The following MARCHF1 variants were observed in gnomAD, a reference collection of about 807,000 sequenced individuals.
MARCHF1 encodes the protein membrane associated ring-CH-type finger 1, also known as E3 ubiquitin-protein ligase MARCHF1.
In MARCHF1, 40 loss-of-function variants were observed where a neutral mutation model predicts 54.2. The ratio of observed to expected loss-of-function variants is 0.74; its 90% CI spans 0.57 to 0.96. MARCHF1 has a LOEUF of 0.96. MARCHF1 is among the 40% of genes least tolerant of loss of function. The pLI is 0.00. For synonymous variants in MARCHF1, 236 were observed against 236.3 expected, an observed-to-expected ratio of 1.00 and a Z score of 0.01; for missense variants, 586 against 656.5, an observed-to-expected ratio of 0.89 and a Z score of 1.17.
chr4:163,796,221 GTTTTTT>G (rs36039503), intron 4 of MARCHF1, among the ~76,000 whole-genome samples: 1 of 82,234 alleles, frequency 1.2e-5, no homozygotes, highest in Non-Finnish European at 2.5e-5. Flanking sequence ...GAAACTTCTA[GTTTTTT>G]TTTTTTTTTT....
intron 1 of MARCHF1, among the ~76,000 whole-genome samples, chr4:164,213,201 C>T (rs1405174476): frequency 1.6e-5 from 2 of 128,330 alleles, no homozygotes; most frequent in Admixed American, 8.5e-5. Context: ...TGGGCTTTTA[C>T]TTTTATTATT....
At chr4:163,537,594 AC>A (rs773748114) in intron 9 of MARCHF1, among the ~76,000 whole-genome samples, 1 of 152,156 alleles carries the variant, frequency 6.6e-6, no homozygotes, top group Non-Finnish European at 1.5e-5. Context: ...TGTCTGGAAT[AC>A]TTTTGCAGGA....
intron 5 of MARCHF1, among the ~76,000 whole-genome samples, chr4:163,647,657 C>T (rs1742809094): frequency 6.6e-6 from 1 of 151,590 alleles, no homozygotes; most frequent in Admixed American, 6.6e-5. Context: ...TACTTCTGAA[C>T]AACCAATGAG....
intron 1 of MARCHF1, among the ~76,000 whole-genome samples, chr4:164,139,609 A>G (rs1216593700): frequency 6.6e-6 from 1 of 152,114 alleles, no homozygotes; most frequent in Non-Finnish European, 1.5e-5. Context: ...GACCTGTGGT[A>G]TTTATATGAG....
At chr4:164,150,769 A>G (rs191560978) in intron 1 of MARCHF1, among the ~76,000 whole-genome samples, 1 of 152,366 alleles carries the variant, frequency 6.6e-6, no homozygotes, top group East Asian at 1.9e-4. Flanking sequence ...ATATATCTGT[A>G]GACAAATAAT....
At chr4:164,351,190 C>CGGCAGCGAGGCTGGGGGAGGGGT (rs1561013796) in intron 1 of MARCHF1, among the ~76,000 whole-genome samples, 270 of 151,350 alleles carry the variant, frequency 1.8e-3, no homozygotes, top group Middle Eastern at 6.8e-3. Context: ...GGGGTAGGGG[C>CGGCAGCGAGGCTGGGGGAGGGGT]GCCCGCCATT....
chr4:163,868,859 T>C (rs1483297870), intron 3 of MARCHF1, among the ~76,000 whole-genome samples: 3 of 151,958 alleles, frequency 2.0e-5, no homozygotes, highest in Admixed American at 2.0e-4. Context: ...GACAAGCAAG[T>C]AGTGTCCAAC....
intron 8 of MARCHF1, among the ~76,000 whole-genome samples, chr4:163,550,151 G>A (rs1334164434): frequency 1.3e-5 from 2 of 151,998 alleles, no homozygotes; most frequent in African/African-American, 4.8e-5. Context: ...GCGTGGCGGC[G>A]GGCGACTGTA....
At chr4:163,822,731 C>G (rs990099380) in intron 4 of MARCHF1, among the ~76,000 whole-genome samples, 6 of 151,802 alleles carry the variant, frequency 4.0e-5, no homozygotes, top group Non-Finnish European at 7.4e-5. Flanking sequence ...TAGAAACATT[C>G]AAACTCTTTT....
intron 2 of MARCHF1, among the ~76,000 whole-genome samples, chr4:164,067,715 C>A (rs546037454): frequency 5.1e-4 from 77 of 152,034 alleles, no homozygotes; most frequent in Middle Eastern, 3.4e-3. Context: ...GCAAAAAAAA[C>A]CAAAAATTGA....
At chr4:163,850,370 C>G (rs768565497) in intron 4 of MARCHF1, among the ~76,000 whole-genome samples, 1 of 152,180 alleles carries the variant, frequency 6.6e-6, no homozygotes, top group Non-Finnish European at 1.5e-5. Context: ...TCTAACAATT[C>G]CAGCCTCCTC....
chr4:163,945,903 C>T lies in MARCHF1; in HGVS notation c.-39+42598G>A, dbSNP rs183084850. ...CCTGAACCGAGTCACCCTTCTAATG[C>T]TGAGTGGAGACTCTACAGTCTCACA... On this transcript the variant is annotated intron_variant, in intron 3 of 9. Transcript: ENST00000514618. 3.0e-4 allele frequency among the ~76,000 whole-genome samples: 45 copies of T among 152,100 alleles called. No individual in the cohort carries two copies. The East Asian group carries it at 8.5e-3, about 29-fold the overall frequency.
At chr4:163,834,313 G>A (rs1049134546) in intron 4 of MARCHF1, among the ~76,000 whole-genome samples, 4 of 151,614 alleles carry the variant, frequency 2.6e-5, no homozygotes, top group Non-Finnish European at 5.9e-5. Context: ...GAGAAATTGT[G>A]TAGAATGCTC....
chr4:164,143,232 A>G (rs1756596533), intron 1 of MARCHF1, among the ~76,000 whole-genome samples: 3 of 151,970 alleles, frequency 2.0e-5, no homozygotes, highest in Admixed American at 6.6e-5. Flanking sequence ...AATGGAACCA[A>G]GTTGGAAAAC....
At chr4:163,545,889 T>C in intron 8 of MARCHF1, 146 bp from the exon 9 acceptor site, 1 of 693,646 alleles carries the variant, frequency 1.4e-6, no homozygotes, top group Non-Finnish European at 2.5e-6. Flanking sequence ...AAATAAGTCT[T>C]CATGTTTAGA....
At position 163,612,467 on chromosome 4, in the gene MARCHF1, C is replaced by T. The variant is rs144298209; in HGVS notation, c.814G>A (p.Asp272Asn). ...CTAAGACTTTGCAAGAGCTGAGGAT[C>T]TCTGTGGTGATATCTGCCTTTGCTC... Reference protein sequence around the residue: ...EKSKGRYHHRDPQLLQSLRKN... With the variant: ...EKSKGRYHHRNPQLLQSLRKN... The change falls in exon 7 of 10, where the codon GAT becomes AAT. Residue 272 changes from aspartate (D) to asparagine (N), a missense_variant. Physicochemically the swap from Asp to Asn is conservative, Grantham distance 23. This residue lies in a region of MARCHF1 where 387 missense variants were observed against 394.6 expected (regional missense o/e 0.98). Coordinates refer to ENST00000514618, the MANE Select transcript of MARCHF1 (RefSeq NM_001394959.1). 453 of 1,535,166 alleles carry T rather than the reference C, an allele frequency of 3.0e-4. 1 individual carries two copies. The African/African-American group carries it at 5.0e-3, about 17-fold the overall frequency.
chr4:164,184,292 T>G (rs768377813), intron 1 of MARCHF1, among the ~76,000 whole-genome samples: 1 of 152,200 alleles, frequency 6.6e-6, no homozygotes, highest in Non-Finnish European at 1.5e-5. Context: ...TTTGCAAGAT[T>G]TGATTTGAAA....
At chr4:164,025,420 T>TTAC (rs778741797) in intron 2 of MARCHF1, among the ~76,000 whole-genome samples, 3 of 151,444 alleles carry the variant, frequency 2.0e-5, no homozygotes, top group Admixed American at 6.6e-5. Context: ...AAAACAGAAA[T>TTAC]TACTATCAAG....
intron 9 of MARCHF1, among the ~76,000 whole-genome samples, chr4:163,536,633 C>T (rs1003354370): frequency 6.6e-6 from 1 of 152,070 alleles, no homozygotes; most frequent in African/African-American, 2.4e-5. Flanking sequence ...CTTTTACAAC[C>T]CCTCTTCACT....
Sources: allele counts gnomAD v4.1 joint callset (sites outside exome capture counted in the v4.1 genomes callset), GRCh38; gene constraint gnomAD v4.1.1; regional missense constraint gnomAD v4.1.1; transcripts MANE v1.5; gene names NCBI Gene and HGNC (gene_info 2026-07-23, HGNC 2026-07-21).